MSN: variants seen among roughly 807,000 people sequenced by gnomAD.
The protein encoded by MSN is moesin, also known as epididymis luminal protein 70.
A neutral mutation model predicts 48.0 loss-of-function variants in MSN; 2 were observed. The ratio of observed to expected loss-of-function variants is 0.04; its 90% CI spans 0.02 to 0.13. The LOEUF (loss-of-function observed/expected upper bound fraction) is 0.13. MSN is among the 10% of genes least tolerant of loss of function. The pLI, the probability that MSN is intolerant of heterozygous loss-of-function variation, is 1.00. For synonymous variants in MSN, 146 were observed against 166.9 expected (o/e 0.87, Z 0.97); for missense variants, 267 against 470.1 (o/e 0.57, Z 3.99).
chrX:65,695,507 CAAAA>C (rs759652563), intron 1 of MSN, among the ~76,000 whole-genome samples: 2 of 12,948 alleles, frequency 1.5e-4, no homozygotes, highest in South Asian at 5.6e-3. Context: ...AACTCTGTCT[CAAAA>C]AAAAAAAAAA....
At chrX:65,613,470 A>C (rs1175547978) in intron 1 of MSN, among the ~76,000 whole-genome samples, 1 of 114,538 alleles carries the variant, frequency 8.7e-6, no homozygotes, top group Non-Finnish European at 1.9e-5. Context: ...ACAATGGTTG[A>C]ACTAATTTTC....
At chrX:65,716,950 C>A in intron 2 of MSN, 49 bp downstream of exon 2, 3 of 1,050,117 alleles carry the variant, frequency 2.9e-6, no homozygotes, top group Non-Finnish European at 4.0e-6. Flanking sequence ...ATAGCTTCCA[C>A]CACAATGCCA....
At chrX:65,660,403 T>A (rs976335466) in intron 1 of MSN, among the ~76,000 whole-genome samples, 4 of 111,934 alleles carry the variant, frequency 3.6e-5, no homozygotes, top group African/African-American at 1.3e-4. Flanking sequence ...TATGTGGTTT[T>A]CTAGGTATAG....
At chrX:65,647,651 G>T (rs1455255996) in intron 1 of MSN, among the ~76,000 whole-genome samples, 1 of 112,486 alleles carries the variant, frequency 8.9e-6, no homozygotes, top group Non-Finnish European at 1.9e-5. Flanking sequence ...GGGGAAACAT[G>T]TGCTCCCCTG....
At chrX:65,701,335 A>G (rs990810172) in intron 1 of MSN, among the ~76,000 whole-genome samples, 1 of 111,444 alleles carries the variant, frequency 9.0e-6, no homozygotes, top group Non-Finnish European at 1.9e-5. Context: ...TTCTGATTGT[A>G]ATTTCAAAGT....
intron 1 of MSN, among the ~76,000 whole-genome samples, chrX:65,699,245 A>G (rs1164854852): frequency 8.9e-6 from 1 of 111,959 alleles, no homozygotes; most frequent in Non-Finnish European, 1.9e-5. Flanking sequence ...GGGGAAGTAA[A>G]TATCCGAAGT....
At chrX:65,638,734 A>G (rs984410219) in intron 1 of MSN, among the ~76,000 whole-genome samples, 1 of 111,800 alleles carries the variant, frequency 8.9e-6, no homozygotes, top group African/African-American at 3.3e-5. Context: ...TTGTATTTTT[A>G]GAAGAGACAG....
chrX:65,733,280 G>A lies in MSN; in HGVS notation c.795G>A (p.Pro265=). The part of the protein sequence containing the change: ...FVIKPIDKKA[P]DFVFYAPRLR... Reference sequence around the variant, plus strand: ...TCAAGCCCATTGACAAAAAAGCCCCGGTGAGTGATTCCTCCCTCTGACCAA... The same window carrying A: ...TCAAGCCCATTGACAAAAAAGCCCCAGTGAGTGATTCCTCCCTCTGACCAA... The change falls in exon 7 of 13, where the codon CCG becomes CCA. Residue 265 remains proline (P), a splice_region_variant and synonymous_variant. Coordinates refer to ENST00000360270, the MANE Select transcript of MSN (RefSeq NM_002444.3). 1 of 1,196,935 alleles carries A rather than the reference G, an allele frequency of 8.4e-7. No individual in the cohort carries two copies. Among genetic ancestry groups the A allele is most frequent in the Non-Finnish European group, 1.1e-6 (1 of 882,018 alleles).
chrX:65,602,629 T>C (rs1259801172), intron 1 of MSN, among the ~76,000 whole-genome samples: 1 of 111,505 alleles, frequency 9.0e-6, no homozygotes, highest in Non-Finnish European at 1.9e-5. Flanking sequence ...GTGGGTACCT[T>C]ACCATTCACT....
chrX:65,589,968 C>T (rs1057161962), intron 1 of MSN, among the ~76,000 whole-genome samples: 2 of 109,892 alleles, frequency 1.8e-5, no homozygotes, highest in African/African-American at 3.3e-5. Flanking sequence ...TGGGTTCAAG[C>T]GATTCTCCTG....
At chrX:65,606,034 C>T (rs2070276018) in intron 1 of MSN, among the ~76,000 whole-genome samples, 1 of 110,989 alleles carries the variant, frequency 9.0e-6, no homozygotes, top group Admixed American at 9.6e-5. Flanking sequence ...CCTTGACCTC[C>T]CAGGCTCAAG....
chrX:65,692,702 G>C (rs1423780747), intron 1 of MSN, among the ~76,000 whole-genome samples: 2 of 111,319 alleles, frequency 1.8e-5, no homozygotes, highest in Non-Finnish European at 3.8e-5. Context: ...GTTTTCAGAC[G>C]GAGTTTTGCT....
At chrX:65,607,956 A>G (rs1440929386) in intron 1 of MSN, among the ~76,000 whole-genome samples, 1 of 112,136 alleles carries the variant, frequency 8.9e-6, no homozygotes, top group Non-Finnish European at 1.9e-5. Context: ...CTCAATTAAA[A>G]TTAAGAAATA....
In MSN at chrX:65,740,474, G is replaced by A. The variant is rs974542284; in HGVS notation, c.*581G>A. 15 of 172,932 alleles carry A rather than the reference G, an allele frequency of 8.7e-5. No individual in the cohort carries two copies. The highest frequency in any genetic ancestry group is 1.6e-4 in the East Asian group (2 of 12,237). The allele number at this position is 172,932 out of a possible 1,213,427, so 14.3% of individuals were successfully genotyped here. A position where few individuals can be genotyped will look rare whatever the true frequency, so the allele number is the denominator to read the frequency against. ...CATTTTTGTTTCTACCTCCCAGATC[G>A]GATCTGTTGCAAACTCAGCCTCAAT... is the stretch of plus-strand genomic sequence containing the variant. On this transcript the variant is annotated 3_prime_UTR_variant, in exon 13 of 13. Coordinates refer to ENST00000360270, the MANE Select transcript of MSN (RefSeq NM_002444.3).
upstream of MSN, among the ~76,000 whole-genome samples, chrX:65,663,894 T>A (rs1211859760): frequency 9.2e-6 from 1 of 108,870 alleles, no homozygotes; most frequent in South Asian, 4.0e-4. Context: ...CCGTCTCTAC[T>A]AAAAATACAA....
At chrX:65,715,042 A>T (rs2071449856) in intron 1 of MSN, among the ~76,000 whole-genome samples, 1 of 112,066 alleles carries the variant, frequency 8.9e-6, no homozygotes, top group Non-Finnish European at 1.9e-5. Context: ...ACATATGGCT[A>T]ACCAGTTATC....
Position 65,716,876 on chromosome X carries a change from C to T in MSN, c.71C>T (p.Thr24Ile). 1 of 1,210,708 alleles carries T rather than the reference C, an allele frequency of 8.3e-7. No homozygotes were observed. The change falls in exon 2 of 13, where the codon ACC becomes ATC. Residue 24 changes from threonine (T) to isoleucine (I), a missense_variant. Thr to Ile is a moderately conservative substitution (Grantham distance 89, BLOSUM62 -1). This residue lies in a region of MSN where 89 missense variants were observed against 151.0 expected (regional missense o/e 0.59). Coordinates refer to ENST00000360270, the MANE Select transcript of MSN (RefSeq NM_002444.3). ...AELEFAIQPNTTGKQLFDQVV... is the reference protein window; with the variant it reads ...AELEFAIQPNITGKQLFDQVV... ...CTGGAGTTTGCCATCCAGCCCAACA[C>T]CACCGGGAAGCAGCTATTTGACCAG...
chrX:65,649,103 G>C (rs975873535), intron 1 of MSN, among the ~76,000 whole-genome samples: 1 of 108,091 alleles, frequency 9.3e-6, no homozygotes, highest in Non-Finnish European at 1.9e-5. Context: ...AAAAATGGTT[G>C]CCGAAAGGCA....
At chrX:65,666,952 G>A (rs1344504964), upstream of MSN, among the ~76,000 whole-genome samples, 1 of 111,942 alleles carries the variant, frequency 8.9e-6, no homozygotes, top group East Asian at 2.8e-4. Flanking sequence ...TACTGGGAGA[G>A]GGGCTAAAGG....
Sources: gnomAD v4.1 joint callset for allele counts (sites outside exome capture counted in the v4.1 genomes callset) on GRCh38, gnomAD v4.1.1 for gene constraint, gnomAD v4.1.1 regional missense constraint, MANE v1.5 for transcripts, NCBI Gene and HGNC (gene_info 2026-07-23, HGNC 2026-07-21) for gene names.